ADAMTS16: variants seen among roughly 807,000 people sequenced by gnomAD.
The protein encoded by ADAMTS16 is A disintegrin and metalloproteinase with thrombospondin motifs 16.
ADAMTS16 carries 94 observed loss-of-function variants against 145.8 expected under a neutral mutation model. That is an observed-to-expected ratio of 0.64 (90% CI 0.55 to 0.77). The LOEUF is 0.77. Ranked by LOEUF, ADAMTS16 falls within the 30% of genes least tolerant of loss-of-function variation. The pLI, the probability that ADAMTS16 is intolerant of heterozygous loss-of-function variation, is 0.00. For synonymous variants in ADAMTS16, 659 were observed against 604.3 expected (o/e 1.09, Z -1.33); for missense variants, 1,585 against 1,591.5 (o/e 1.00, Z 0.07).
chr5:5,306,772 T>C (rs750996154), intron 21 of ADAMTS16, 44 bp downstream of exon 21: 5 of 1,513,212 alleles, frequency 3.3e-6, no homozygotes, highest in Non-Finnish European at 4.4e-6. Flanking sequence ...GAGCACAGCT[T>C]GGCCTGGGGT....
chr5:5,169,947 C>T (rs1472094115), intron 3 of ADAMTS16, among the ~76,000 whole-genome samples: 2 of 152,144 alleles, frequency 1.3e-5, no homozygotes, highest in Non-Finnish European at 1.5e-5. Flanking sequence ...TTTTCTTTAT[C>T]CATTTGTTTT....
intron 3 of ADAMTS16, among the ~76,000 whole-genome samples, chr5:5,172,771 C>T (rs922304685): frequency 6.6e-6 from 1 of 152,106 alleles, no homozygotes; most frequent in Non-Finnish European, 1.5e-5. Context: ...GTCTATAATG[C>T]AGATTAATTC....
chr5:5,305,428 A>C (rs1740085216), intron 20 of ADAMTS16, among the ~76,000 whole-genome samples: 1 of 64,300 alleles, frequency 1.6e-5, no homozygotes, highest in Non-Finnish European at 3.1e-5. Context: ...CCACACACAC[A>C]ACCCACACCA....
In ADAMTS16 at chr5:5,239,200, G is replaced by C; in HGVS notation, c.2204G>C (p.Cys735Ser). The change falls in exon 15 of 23, where the codon TGT becomes TCT. Residue 735 changes from cysteine (C) to serine (S), a missense_variant. Around this residue, in one of 3 missense-constraint regions of ADAMTS16, gnomAD observed 834 missense variants for 811.7 expected, o/e 1.03. Coordinates refer to ENST00000274181, the MANE Select transcript of ADAMTS16 (RefSeq NM_139056.4). ...VLGSDAVEDV[C>S]GVCNGNNSAC... ...GGATCTGATGCTGTTGAAGACGTCT[G>C]TGGGGTGTGTAACGGGAATAACTCA... The C allele has an allele frequency of 6.2e-7, 1 of 1,603,414 alleles. No homozygotes were observed. The highest frequency in any genetic ancestry group is 2.3e-5 in the East Asian group (1 of 44,338).
chr5:5,157,727 TG>T (rs1259786405), intron 3 of ADAMTS16, among the ~76,000 whole-genome samples: 1 of 152,240 alleles, frequency 6.6e-6, no homozygotes, highest in Non-Finnish European at 1.5e-5. Flanking sequence ...TAAATCTGTA[TG>T]AGTCTTTTCT....
At chr5:5,258,528 A>G (rs1393316718) in intron 17 of ADAMTS16, among the ~76,000 whole-genome samples, 1 of 152,166 alleles carries the variant, frequency 6.6e-6, no homozygotes, top group Non-Finnish European at 1.5e-5. Context: ...CCTGATACCA[A>G]CTCAAGCTTG....
intron 10 of ADAMTS16, among the ~76,000 whole-genome samples, chr5:5,216,921 A>G (rs1183268115): frequency 1.3e-5 from 2 of 151,456 alleles, no homozygotes; most frequent in Non-Finnish European, 2.9e-5. Flanking sequence ...CCATGTCCCT[A>G]CAAAGGACAT....
At chr5:5,226,645 G>A (rs2126356534) in intron 11 of ADAMTS16, among the ~76,000 whole-genome samples, 1 of 152,270 alleles carries the variant, frequency 6.6e-6, no homozygotes, top group African/African-American at 2.4e-5. Context: ...TGTGTGGCCA[G>A]CGGTCAGTAT....
At chr5:5,206,381 C>G (rs113357535) in intron 9 of ADAMTS16, among the ~76,000 whole-genome samples, 24,191 of 115,278 alleles carry the variant, frequency 0.21, 3,284 homozygotes, top group Admixed American at 0.42. Flanking sequence ...AGCCGAGATC[C>G]CGCCACTGCA....
intron 21 of ADAMTS16, among the ~76,000 whole-genome samples, chr5:5,311,776 G>A (rs1488186070): frequency 1.3e-5 from 2 of 151,346 alleles, no homozygotes; most frequent in African/African-American, 2.4e-5. Flanking sequence ...TGTCACCCAG[G>A]CCCAATCTCG....
intron 9 of ADAMTS16, among the ~76,000 whole-genome samples, chr5:5,204,075 C>G (rs1039115221): frequency 2.5e-4 from 38 of 152,250 alleles, no homozygotes; most frequent in African/African-American, 8.7e-4. Context: ...CAGGCACTTT[C>G]CTGCGGAGGA....
chr5:5,190,663 GT>G (rs1381256544), intron 7 of ADAMTS16, among the ~76,000 whole-genome samples: 1 of 152,148 alleles, frequency 6.6e-6, no homozygotes, highest in Non-Finnish European at 1.5e-5. Context: ...CGCTGAACAT[GT>G]CTTCTAACTC....
chr5:5,272,280 G>A (rs748673328), intron 18 of ADAMTS16, among the ~76,000 whole-genome samples: 2 of 151,846 alleles, frequency 1.3e-5, no homozygotes, highest in Admixed American at 6.6e-5. Context: ...TGAGACCTGC[G>A]CAGCCTCCAG....
chr5:5,271,054 G>A (rs1198594360), intron 18 of ADAMTS16, among the ~76,000 whole-genome samples: 5 of 152,198 alleles, frequency 3.3e-5, no homozygotes, highest in Non-Finnish European at 7.3e-5. Context: ...GGATTGAGGG[G>A]TGGAACCTGT....
chr5:5,300,160 C>T (rs1393165819), intron 18 of ADAMTS16, among the ~76,000 whole-genome samples: 1 of 152,100 alleles, frequency 6.6e-6, no homozygotes, highest in Non-Finnish European at 1.5e-5. Context: ...GAGCAGCCAA[C>T]GTGTCTTTTG....
intron 3 of ADAMTS16, among the ~76,000 whole-genome samples, chr5:5,161,490 A>G (rs1734743287): frequency 6.6e-6 from 1 of 152,202 alleles, no homozygotes; most frequent in African/African-American, 2.4e-5. Context: ...TGTAGAGTCG[A>G]TAAGTATAAT....
At chr5:5,273,673 T>G (rs1236178999) in intron 18 of ADAMTS16, among the ~76,000 whole-genome samples, 1 of 152,226 alleles carries the variant, frequency 6.6e-6, no homozygotes, top group African/African-American at 2.4e-5. Context: ...CACCTTACTG[T>G]GTCTCCCCTG....
rs1265208729 is a variant in ADAMTS16, at chr5:5,317,003, T to C, written c.3412-1131T>C. Among the ~76,000 whole-genome samples the C allele has an allele frequency of 1.3e-5, 2 of 152,156 alleles. No individual in the cohort carries two copies. The highest frequency in any genetic ancestry group is 4.8e-5 in the African/African-American group (2 of 41,442). ...TCCTTCTATCCATACCTAGATTAAT[T>C]TTGGCCAGCCACTCACAGTTGTAGA... On this transcript the variant is annotated intron_variant, in intron 21 of 22. Coordinates refer to ENST00000274181, the MANE Select transcript of ADAMTS16 (RefSeq NM_139056.4). This position sits in a 1 kb window ranked among gnomAD's most constrained non-coding sequence, Gnocchi z 4.5.
At chr5:5,306,198 C>T (rs1740147377) in intron 20 of ADAMTS16, among the ~76,000 whole-genome samples, 1 of 152,128 alleles carries the variant, frequency 6.6e-6, no homozygotes, top group African/African-American at 2.4e-5. Flanking sequence ...CAGTATGCTT[C>T]GATATCAGTG....
Sources: gnomAD v4.1 joint callset for allele counts (sites outside exome capture counted in the v4.1 genomes callset) on GRCh38, gnomAD v4.1.1 for gene constraint, gnomAD v4.1.1 regional missense constraint, Gnocchi (gnomAD v3.1) non-coding constraint, MANE v1.5 for transcripts, NCBI Gene and HGNC (gene_info 2026-07-23, HGNC 2026-07-21) for gene names.